The following GALNT8 variants were observed in gnomAD, a reference collection of about 807,000 sequenced individuals.
GALNT8 encodes polypeptide N-acetylgalactosaminyltransferase 8.
A neutral mutation model predicts 62.7 loss-of-function variants in GALNT8; 66 were observed. The ratio of observed to expected loss-of-function variants is 1.05; its 90% confidence interval spans 0.86 to 1.29. The LOEUF is 1.29. GALNT8 is among the 50% of genes most tolerant of loss of function. GALNT8 has a pLI of 0.00. For synonymous variants in GALNT8, 288 were observed against 294.3 expected, an observed-to-expected ratio of 0.98 and a Z score of 0.22; for missense variants, 771 against 791.8, an observed-to-expected ratio of 0.97 and a Z score of 0.32.
chr12:4,746,375 A>G (rs1441007405), intron 6 of GALNT8, 117 bp downstream of exon 6: 4 of 685,148 alleles, frequency 5.8e-6, no homozygotes, highest in East Asian at 5.3e-5. Flanking sequence ...AGGTGGATAC[A>G]TTCTTATGTT....
rs564408196 is a variant in GALNT8 at position 4,721,694 on chromosome 12, G to A, written c.211+806G>A. 9.9e-5 allele frequency among the ~76,000 whole-genome samples: 15 copies of A among 151,774 alleles called. No individual in the cohort carries two copies. In the South Asian group the frequency reaches 2.9e-3, roughly 30 times the overall value. Reference sequence around the variant, plus strand: ...CCGAGACATTCCATTGCCCAGGGACGGGCAGGAGACAGATGCCTTCCTCTT... The same window carrying A: ...CCGAGACATTCCATTGCCCAGGGACAGGCAGGAGACAGATGCCTTCCTCTT... On this transcript the variant is annotated intron_variant, in intron 1 of 10. Coordinates refer to ENST00000252318, the MANE Select transcript of GALNT8 (RefSeq NM_017417.2).
intron 2 of GALNT8, among the ~76,000 whole-genome samples, chr12:4,735,531 G>T (rs191568095): frequency 6.6e-6 from 1 of 152,216 alleles, no homozygotes; most frequent in Non-Finnish European, 1.5e-5. Flanking sequence ...CACTAGGAAT[G>T]CAAAAGCTCT....
chr12:4,747,527 C>G (rs1591569876), intron 6 of GALNT8, among the ~76,000 whole-genome samples: 2 of 152,138 alleles, frequency 1.3e-5, no homozygotes, highest in East Asian at 3.8e-4. Flanking sequence ...CCAGTTCCAT[C>G]TATGTTGTTG....
intron 10 of GALNT8, among the ~76,000 whole-genome samples, chr12:4,771,033 C>A (rs1946422057): frequency 6.6e-6 from 1 of 152,146 alleles, no homozygotes; most frequent in African/African-American, 2.4e-5. Context: ...TTGAGATCAT[C>A]TGTGAGGCTG....
In GALNT8 at chr12:4,751,865, A is replaced by G. The variant is rs544266488; in HGVS notation, c.1173+5607A>G. Among the ~76,000 whole-genome samples the G allele has an allele frequency of 3.9e-4, 59 of 152,230 alleles. 1 individual carries two copies. Among genetic ancestry groups the G allele is most frequent in the Non-Finnish European group, 7.4e-5 (5 of 67,978 alleles). On this transcript the variant is annotated intron_variant, in intron 6 of 10. Transcript: ENST00000252318. The stretch of plus-strand genomic sequence containing the variant: ...AAATAGGATGTTAAAGTCTTCTGCT[A>G]TTACTGTATTGGGGCCTATCTCTCT...
intron 2 of GALNT8, among the ~76,000 whole-genome samples, chr12:4,730,257 G>A (rs2137520727): frequency 6.6e-6 from 1 of 151,996 alleles, no homozygotes; most frequent in African/African-American, 2.4e-5. Context: ...GTTGCCTGTG[G>A]CTTTGGGGTC....
intron 9 of GALNT8, among the ~76,000 whole-genome samples, chr12:4,764,489 A>G (rs1565390189): frequency 7.0e-6 from 1 of 143,476 alleles, no homozygotes; most frequent in African/African-American, 2.6e-5. Context: ...CCTCCAAGGG[A>G]TGGAAGGGCC....
At chr12:4,744,970 G>A (rs1202973547) in intron 4 of GALNT8, among the ~76,000 whole-genome samples, 2 of 152,156 alleles carry the variant, frequency 1.3e-5, no homozygotes, top group Non-Finnish European at 2.9e-5. Flanking sequence ...TAGACATTGT[G>A]TCTTTAACTG....
chr12:4,767,518 C>G (rs1031617727), intron 10 of GALNT8, among the ~76,000 whole-genome samples: 2 of 152,132 alleles, frequency 1.3e-5, no homozygotes, highest in Admixed American at 1.3e-4. Context: ...TGCAGGAGGG[C>G]GGAACTGAGA....
intron 8 of GALNT8, 130 bp from the exon 9 acceptor site, chr12:4,763,822 G>A: frequency 1.5e-6 from 1 of 662,636 alleles, no homozygotes. Flanking sequence ...CGGGATCCCA[G>A]CCCTCTGCTC....
At chr12:4,758,200 G>T (rs1250139114) in intron 6 of GALNT8, among the ~76,000 whole-genome samples, 1 of 151,844 alleles carries the variant, frequency 6.6e-6, no homozygotes, top group African/African-American at 2.4e-5. Context: ...GAGACTATTT[G>T]CCTTTTAAAA....
At chr12:4,733,298 A>G (rs1470040487) in intron 2 of GALNT8, among the ~76,000 whole-genome samples, 2 of 152,206 alleles carry the variant, frequency 1.3e-5, no homozygotes, top group African/African-American at 2.4e-5. Flanking sequence ...TGGTCTACAC[A>G]TTCCAGGCCA....
intron 3 of GALNT8, among the ~76,000 whole-genome samples, chr12:4,743,607 C>T (rs188548151): frequency 5.3e-4 from 80 of 152,214 alleles, no homozygotes; most frequent in African/African-American, 1.7e-3. Context: ...TCTTGAGACA[C>T]GGTGTTCTGG....
chr12:4,764,964 T>C (rs1359628868), intron 9 of GALNT8, among the ~76,000 whole-genome samples: 4 of 151,902 alleles, frequency 2.6e-5, no homozygotes, highest in South Asian at 2.1e-4. Flanking sequence ...TTGCACTTAG[T>C]TGAAAAAATG....
chr12:4,732,367 C>A (rs940063219), intron 2 of GALNT8, among the ~76,000 whole-genome samples: 7 of 152,060 alleles, frequency 4.6e-5, no homozygotes, highest in Non-Finnish European at 8.8e-5. Context: ...AGATCTGTTC[C>A]TCTAGATGTC....
At chr12:4,742,404 T>C (rs1946275952) in intron 3 of GALNT8, among the ~76,000 whole-genome samples, 1 of 152,242 alleles carries the variant, frequency 6.6e-6, no homozygotes, top group Non-Finnish European at 1.5e-5. Context: ...ATTTTCTCCC[T>C]AATTTTAGGA....
intron 2 of GALNT8, among the ~76,000 whole-genome samples, chr12:4,733,177 A>G (rs1369678106): frequency 1.3e-5 from 2 of 152,258 alleles, no homozygotes; most frequent in Non-Finnish European, 2.9e-5. Flanking sequence ...GGTTTTGGTT[A>G]CATTAGCCGT....
At chr12:4,765,355 T>C (rs1163147431) in intron 9 of GALNT8, 24 bp from the exon 10 acceptor site, 5 of 252,778 alleles carry the variant, frequency 2.0e-5, no homozygotes, top group South Asian at 7.2e-5. Flanking sequence ...CCCTCTGCTT[T>C]TTTTTTTTTT....
chr12:4,725,658 C>A (rs990417172), intron 1 of GALNT8, among the ~76,000 whole-genome samples: 17 of 149,440 alleles, frequency 1.1e-4, no homozygotes, highest in African/African-American at 4.2e-4. Context: ...CGGGTTCAAG[C>A]AATTCTCCTG....
Sources: gnomAD v4.1 joint callset for allele counts (sites outside exome capture counted in the v4.1 genomes callset) on GRCh38, gnomAD v4.1.1 for gene constraint, MANE v1.5 for transcripts, NCBI Gene and HGNC (gene_info 2026-07-23, HGNC 2026-07-21) for gene names.